The following CNTNAP2 variants were observed in gnomAD, a reference collection of about 807,000 sequenced individuals.
The protein encoded by CNTNAP2 is contactin associated protein 2, also known as contactin-associated protein-like 2.
In CNTNAP2, 98 loss-of-function variants were observed where a neutral mutation model predicts 155.2. That is an observed-to-expected ratio of 0.63 (90% CI 0.54 to 0.75). The LOEUF (loss-of-function observed/expected upper bound fraction) is 0.75. CNTNAP2 is among the 30% of genes least tolerant of loss of function. The probability of loss-of-function intolerance (pLI) is 0.00; values close to 1 mark genes in which losing one functional copy is unlikely to be tolerated. For missense variants in CNTNAP2, 1,727 were observed against 1,688.1 expected (o/e 1.02, Z -0.40); for synonymous variants, 651 against 631.2 (o/e 1.03, Z -0.47).
intron 14 of CNTNAP2, among the ~76,000 whole-genome samples, chr7:147,943,347 T>C (rs1290170311): frequency 6.6e-6 from 1 of 152,234 alleles, no homozygotes; most frequent in African/African-American, 2.4e-5. Flanking sequence ...GTTATAAATC[T>C]CTATTCTATA....
intron 21 of CNTNAP2, among the ~76,000 whole-genome samples, chr7:148,360,750 G>T (rs933112042): frequency 6.6e-6 from 1 of 151,784 alleles, no homozygotes; most frequent in African/African-American, 2.4e-5. Context: ...AATATTTATG[G>T]ACTAAATTCA....
At chr7:146,495,552 A>ATTT (rs57676970) in intron 1 of CNTNAP2, among the ~76,000 whole-genome samples, 7 of 133,448 alleles carry the variant, frequency 5.2e-5, no homozygotes, top group East Asian at 2.3e-4. Context: ...CTAACAGGTC[A>ATTT]TTTTTTTTTT....
intron 10 of CNTNAP2, among the ~76,000 whole-genome samples, chr7:147,446,965 C>T (rs557943851): frequency 1.1e-4 from 17 of 152,248 alleles, no homozygotes; most frequent in African/African-American, 4.1e-4. Flanking sequence ...CTGCATTTCA[C>T]AAAGCCTTGC....
intron 15 of CNTNAP2, among the ~76,000 whole-genome samples, chr7:148,029,889 C>T (rs957016637): frequency 6.6e-6 from 1 of 152,144 alleles, no homozygotes; most frequent in Non-Finnish European, 1.5e-5. Flanking sequence ...ATTTCCAGTA[C>T]TGTTTTATGT....
At chr7:147,917,789 A>G (rs1201450888) in intron 14 of CNTNAP2, among the ~76,000 whole-genome samples, 1 of 152,152 alleles carries the variant, frequency 6.6e-6, no homozygotes, top group Non-Finnish European at 1.5e-5. Flanking sequence ...TCCTGTTCAC[A>G]CCTACAGTAG....
At chr7:147,657,268 T>C (rs1298925463) in intron 13 of CNTNAP2, among the ~76,000 whole-genome samples, 1 of 152,152 alleles carries the variant, frequency 6.6e-6, no homozygotes, top group African/African-American at 2.4e-5. Context: ...ATCACTAAAT[T>C]AACTACAAGT....
At chr7:146,763,598 T>A (rs1364933678) in intron 1 of CNTNAP2, among the ~76,000 whole-genome samples, 2 of 152,210 alleles carry the variant, frequency 1.3e-5, no homozygotes, top group Admixed American at 1.3e-4. Flanking sequence ...ATTTTTCAAA[T>A]GTTATAAAAT....
At chr7:147,316,740 A>G (rs1320557434) in intron 9 of CNTNAP2, among the ~76,000 whole-genome samples, 1 of 152,206 alleles carries the variant, frequency 6.6e-6, no homozygotes, top group Non-Finnish European at 1.5e-5. Flanking sequence ...TTGCAACAAC[A>G]TAGTCATCAA....
chr7:146,607,461 C>CT (rs1563154538), intron 1 of CNTNAP2, among the ~76,000 whole-genome samples: 3 of 151,860 alleles, frequency 2.0e-5, no homozygotes, highest in Non-Finnish European at 4.4e-5. Flanking sequence ...TTTTGTTTTT[C>CT]TTTTTAAAAT....
intron 10 of CNTNAP2, among the ~76,000 whole-genome samples, chr7:147,475,199 T>A (rs1798296043): frequency 6.6e-6 from 1 of 152,244 alleles, no homozygotes; most frequent in African/African-American, 2.4e-5. Context: ...TAAACATTTT[T>A]AAATATGATT....
intron 13 of CNTNAP2, among the ~76,000 whole-genome samples, chr7:147,675,144 G>A (rs1408299159): frequency 6.6e-6 from 1 of 151,972 alleles, no homozygotes. Context: ...ATATTCTGGT[G>A]GCTCCAGGCT....
At position 146,666,341 on chromosome 7, in the gene CNTNAP2, A is replaced by G. The variant is rs370015029; in HGVS notation, c.98-107930A>G. 2.0e-5 allele frequency among the ~76,000 whole-genome samples: 3 copies of G among 152,156 alleles called. No individual in the cohort carries two copies. The East Asian group carries it at 5.8e-4, about 29-fold the overall frequency. On this transcript the variant is annotated intron_variant, in intron 1 of 23. Coordinates refer to ENST00000361727, the MANE Select transcript of CNTNAP2 (RefSeq NM_014141.6). ...AATGACAGAATTTCACTGTTTGTTT[A>G]TGGCTAAATAGTATTCTGTTGTGTA... is the stretch of plus-strand genomic sequence containing the variant.
At chr7:146,456,106 T>C (rs949234769) in intron 1 of CNTNAP2, among the ~76,000 whole-genome samples, 1 of 152,176 alleles carries the variant, frequency 6.6e-6, no homozygotes, top group Admixed American at 6.5e-5. Flanking sequence ...CCATTCCTAA[T>C]AAATGAAATT....
At chr7:146,131,084 CTT>C (rs992415848) in intron 1 of CNTNAP2, among the ~76,000 whole-genome samples, 1 of 152,180 alleles carries the variant, frequency 6.6e-6, no homozygotes, top group Non-Finnish European at 1.5e-5. Flanking sequence ...TGTTTCCAAT[CTT>C]TACATAGTTT....
chr7:147,138,744 T>A (rs1327772897), intron 8 of CNTNAP2, among the ~76,000 whole-genome samples: 2 of 152,046 alleles, frequency 1.3e-5, no homozygotes, highest in African/African-American at 4.8e-5. Flanking sequence ...CAGGACACCA[T>A]TTCCATTCTA....
At chr7:147,489,356 G>A (rs2116645061) in intron 11 of CNTNAP2, among the ~76,000 whole-genome samples, 1 of 152,312 alleles carries the variant, frequency 6.6e-6, no homozygotes, top group Middle Eastern at 3.4e-3. Flanking sequence ...TCAGATCACA[G>A]GAAAGGGAAA....
At chr7:147,803,512 A>G (rs1798040079) in intron 13 of CNTNAP2, among the ~76,000 whole-genome samples, 1 of 152,184 alleles carries the variant, frequency 6.6e-6, no homozygotes, top group East Asian at 1.9e-4. Flanking sequence ...TTGCCTTGTC[A>G]TTTCTACCAG....
chr7:147,216,831 C>A (rs1803279727), intron 8 of CNTNAP2, among the ~76,000 whole-genome samples: 1 of 151,970 alleles, frequency 6.6e-6, no homozygotes, highest in Non-Finnish European at 1.5e-5. Flanking sequence ...ATCTATCCAT[C>A]TATTTAGTTT....
intron 1 of CNTNAP2, among the ~76,000 whole-genome samples, chr7:146,267,333 G>A (rs555931817): frequency 2.0e-5 from 3 of 152,176 alleles, no homozygotes; most frequent in Admixed American, 1.3e-4. Flanking sequence ...ATTGGAAGCC[G>A]GTTACATCTA....
Sources: allele counts gnomAD v4.1 joint callset (sites outside exome capture counted in the v4.1 genomes callset), GRCh38; gene constraint gnomAD v4.1.1; transcripts MANE v1.5; gene names NCBI Gene and HGNC (gene_info 2026-07-23, HGNC 2026-07-21).